The following MEGF8 variants were observed in gnomAD, a reference collection of about 807,000 sequenced individuals.
The protein encoded by MEGF8 is multiple EGF like domains 8.
MEGF8 carries 156 observed loss-of-function variants against 302.9 expected under a neutral mutation model. The ratio of observed to expected loss-of-function variants is 0.52; its 90% CI spans 0.45 to 0.59. MEGF8 has a LOEUF of 0.59. Ranked by LOEUF, MEGF8 falls within the 20% of genes least tolerant of loss-of-function variation. The pLI, the probability that MEGF8 is intolerant of heterozygous loss-of-function variation, is 0.00. For synonymous variants in MEGF8, 1,621 were observed against 1,660.5 expected, an observed-to-expected ratio of 0.98 and a Z score of 0.58; for missense variants, 3,345 against 3,964.5, an observed-to-expected ratio of 0.84 and a Z score of 4.20.
rs752176283 is a variant in MEGF8, at chr19:42,376,655, G to C, written c.8418G>C (p.Leu2806=). ...GCCTGGGGTCAGCCCTCGTCACACTGCGGCACAGGCTGCACGAGTACTGTG... is the reference window on the plus strand; with the variant it reads ...GCCTGGGGTCAGCCCTCGTCACACTCCGGCACAGGCTGCACGAGTACTGTG... ...GACLGSALVT[L]RHRLHEYCGG... is the part of the protein sequence containing the mutation. Residue 2806 remains leucine (L), a synonymous_variant, in exon 42 of 42, where the codon CTG becomes CTC. Transcript: ENST00000251268. The surrounding 1 kb of genome is among the most constrained non-coding windows in gnomAD (Gnocchi z 8.2). 1.2e-5 allele frequency: 18 copies of C among 1,538,032 alleles called. 1 individual carries two copies. The highest frequency in any genetic ancestry group is 9.6e-6 in the Non-Finnish European group (11 of 1,143,826).
intron 3 of MEGF8, 127 bp downstream of exon 3, chr19:42,334,340 C>T (rs1170404461): frequency 9.2e-6 from 8 of 874,038 alleles, no homozygotes; most frequent in African/African-American, 1.7e-5. Context: ...TCCTCCGTGA[C>T]ACCCACTTCC....
Position 42,334,688 on chromosome 19 carries a change from T to C in MEGF8, c.559-347T>C, listed in dbSNP as rs553353933. On this transcript the variant is annotated intron_variant, in intron 3 of 41. Transcript: ENST00000251268. ...CAGGCTGAATGTCAACTACGCTGTC[T>C]GTATTCTCCCAGCCTGCCGTCTTTC... 3.3e-5 allele frequency among the ~76,000 whole-genome samples: 5 copies of C among 152,340 alleles called. No individual in the cohort carries two copies. In the South Asian group the frequency reaches 1.0e-3, roughly 32 times the overall value.
At chr19:42,370,939 C>A in intron 40 of MEGF8, 108 bp downstream of exon 40, 2 of 583,332 alleles carry the variant, frequency 3.4e-6, no homozygotes, top group Admixed American at 2.6e-5. Flanking sequence ...TAGTCCTCCA[C>A]CCCCAGTCAG....
Position 42,335,067 on chromosome 19 carries a change from C to T in MEGF8, c.591C>T (p.Phe197=), listed in dbSNP as rs1408557851. The T allele has an allele frequency of 3.7e-6, 6 of 1,613,596 alleles. No individual in the cohort carries two copies. The African/African-American group carries it at 8.0e-5, about 22-fold the overall frequency. The change falls in exon 4 of 42, where the codon TTC becomes TTT. Residue 197 remains phenylalanine (F), a synonymous_variant. Coordinates refer to ENST00000251268, the MANE Select transcript of MEGF8 (RefSeq NM_001271938.2). ...PLGPCRCEPG[F]LGRACDLHLW... ...GACCATGCCGCTGTGAGCCTGGCTT[C>T]TTGGGACGTGCCTGTGACCTGCACC...
In MEGF8 at chr19:42,333,663, G is replaced by T. The variant is rs369259465; in HGVS notation, c.246G>T (p.Thr82=). Residue 82 remains threonine (T), a synonymous_variant, in exon 2 of 42, where the codon ACG becomes ACT. Coordinates refer to ENST00000251268, the MANE Select transcript of MEGF8 (RefSeq NM_001271938.2). The part of the protein sequence containing the change: ...LDFLFLDTEC[T]YDYLFVYDGD... ...TCCTTTTCCTGGACACAGAGTGCACGTATGACTACCTGTTCGTGTATGACG... is the reference window on the plus strand; with the variant it reads ...TCCTTTTCCTGGACACAGAGTGCACTTATGACTACCTGTTCGTGTATGACG... 40 of 1,613,988 alleles carry T rather than the reference G, an allele frequency of 2.5e-5. No homozygotes were observed. The highest frequency in any genetic ancestry group is 1.5e-4 in the Admixed American group (9 of 60,020).
In MEGF8 at chr19:42,358,948, G is replaced by T; in HGVS notation, c.5337G>T (p.Leu1779=). 6.2e-7 allele frequency: 1 copy of T among 1,609,474 alleles called. No individual in the cohort carries two copies. The highest frequency in any genetic ancestry group is 1.1e-5 in the South Asian group (1 of 89,942). Residue 1779 remains leucine (L), a synonymous_variant, in exon 30 of 42, where the codon CTG becomes CTT. Transcript: ENST00000251268. This position sits in a 1 kb window ranked among gnomAD's most constrained non-coding sequence, Gnocchi z 4.4. ...GGFLEEISPH[L]KEPRPRLFHA... is the part of the protein sequence containing the mutation. ...TCCTGGAGGAAATCTCACCTCACCT[G>T]AAGGAGGTGAGATTTGAAGAGGGTT...
At chr19:42,335,484 TC>T (rs2039115041) in intron 5 of MEGF8, 99 bp downstream of exon 5, 1 of 1,085,470 alleles carries the variant, frequency 9.2e-7, no homozygotes, top group African/African-American at 1.6e-5. Flanking sequence ...CTCCCACAGT[TC>T]CTGCAGCTTG....
In MEGF8 at chr19:42,352,391, C is replaced by G; in HGVS notation, c.3285C>G (p.Pro1095=). ...CHPRATCLNT[P]LSYECHCQRG... is the part of the protein sequence containing the mutation. The stretch of plus-strand genomic sequence containing the variant: ...CGCGGGCGACCTGCCTGAACACGCC[C>G]CTCAGCTACGAGTGTCACTGCCAGC... Residue 1095 remains proline (P), a synonymous_variant, in exon 19 of 42, where the codon CCC becomes CCG. Transcript: ENST00000251268. The surrounding 1 kb of genome is among the most constrained non-coding windows in gnomAD (Gnocchi z 4.4). The G allele has an allele frequency of 6.3e-7, 1 of 1,595,520 alleles. No homozygotes were observed. The highest frequency in any genetic ancestry group is 8.5e-7 in the Non-Finnish European group (1 of 1,171,732).
chr19:42,365,869 G>A (rs1047791973), intron 35 of MEGF8, among the ~76,000 whole-genome samples: 1 of 151,488 alleles, frequency 6.6e-6, no homozygotes, highest in African/African-American at 2.4e-5. Context: ...GGATCGTGAG[G>A]TCAGGAGTTC....
In MEGF8 at chr19:42,343,538, C is replaced by T. The variant is rs763808530; in HGVS notation, c.1575C>T (p.Val525=). The change falls in exon 9 of 42, where the codon GTC becomes GTT. Residue 525 remains valine, a synonymous_variant. Transcript: ENST00000251268. The part of the protein sequence containing the change: ...SHVAAVLGGS[V]LLVAGGYSGR... ...TAGCTGCGGTGCTTGGTGGCAGCGT[C>T]CTGTTGGTGGCTGGGGGGTACAGCG... 2 of 1,613,552 alleles carry T rather than the reference C, an allele frequency of 1.2e-6. No homozygotes were observed. The highest frequency in any genetic ancestry group is 1.7e-6 in the Non-Finnish European group (2 of 1,179,732).
chr19:42,333,729 G>T lies in MEGF8; in HGVS notation c.312G>T (p.Gly104=). 2.5e-6 allele frequency: 4 copies of T among 1,613,998 alleles called. No homozygotes were observed. Among genetic ancestry groups the T allele is most frequent in the Non-Finnish European group, 3.4e-6 (4 of 1,179,890 alleles). The stretch of plus-strand genomic sequence containing the variant: ...GGCCGCTGCTTGCCAGTCTAAGTGG[G>T]AGCACCCGACCTCCGCCCATCGAAG... ...PRGPLLASLS[G]STRPPPIEAS... is the part of the protein sequence containing the mutation. Residue 104 remains glycine, a synonymous_variant, in exon 2 of 42, where the codon GGG becomes GGT. Coordinates refer to ENST00000251268, the MANE Select transcript of MEGF8 (RefSeq NM_001271938.2).
chr19:42,351,698 A>T lies in MEGF8; in HGVS notation c.3038A>T (p.His1013Leu). The change falls in exon 18 of 42, where the codon CAT becomes CTT. Residue 1013 changes from histidine to leucine, a missense_variant. Coordinates refer to ENST00000251268, the MANE Select transcript of MEGF8 (RefSeq NM_001271938.2). The surrounding 1 kb of genome is among the most constrained non-coding windows in gnomAD (Gnocchi z 5.6). ...CRSCDGFLTC[H>L]ECLQSHECGW... Reference sequence around the variant, plus strand: ...AGCTGCGATGGCTTCCTGACCTGCCATGAGTGTCTGCAGAGCCACGAGTGT... The same window carrying T: ...AGCTGCGATGGCTTCCTGACCTGCCTTGAGTGTCTGCAGAGCCACGAGTGT... 1 of 1,596,164 alleles carries T rather than the reference A, an allele frequency of 6.3e-7. No individual in the cohort carries two copies. The highest frequency in any genetic ancestry group is 8.5e-7 in the Non-Finnish European group (1 of 1,171,920).
Position 42,358,205 on chromosome 19 carries a change from G to A in MEGF8, c.5073G>A (p.Gly1691=), listed in dbSNP as rs1405564743. 1.1e-5 allele frequency: 18 copies of A among 1,603,506 alleles called. No homozygotes were observed. The highest frequency in any genetic ancestry group is 1.5e-5 in the Non-Finnish European group (18 of 1,175,544). The change falls in exon 29 of 42, where the codon GGG becomes GGA. Residue 1691 remains glycine, a synonymous_variant. Transcript: ENST00000251268. The surrounding 1 kb of genome is among the most constrained non-coding windows in gnomAD (Gnocchi z 4.4). ...CCGACTCCCTCTACGTGTTTGGGGG[G>A]TTCCGATTCCATGTGGAGCTGGCGG... The part of the protein sequence containing the change: ...EATDSLYVFG[G]FRFHVELAAP...
At position 42,357,442 on chromosome 19, in the gene MEGF8, C is replaced by T; in HGVS notation, c.4869C>T (p.His1623=). ...TGGAGCTGCCAGCCGTTGCTGGTCACACCCTTACTGCCCGCCGAGGCCTGT... is the reference window on the plus strand; with the variant it reads ...TGGAGCTGCCAGCCGTTGCTGGTCATACCCTTACTGCCCGCCGAGGCCTGT... ...QTVELPAVAG[H]TLTARRGLSL... The change falls in exon 28 of 42, where the codon CAC becomes CAT. Residue 1623 remains histidine (H), a synonymous_variant. Coordinates refer to ENST00000251268, the MANE Select transcript of MEGF8 (RefSeq NM_001271938.2). This position sits in a 1 kb window ranked among gnomAD's most constrained non-coding sequence, Gnocchi z 5.2. 2 of 1,613,772 alleles carry T rather than the reference C, an allele frequency of 1.2e-6. No homozygotes were observed. The highest frequency in any genetic ancestry group is 1.7e-6 in the Non-Finnish European group (2 of 1,179,790).
rs115428796 is a variant in MEGF8, at chr19:42,376,574, C to A, written c.8337C>A (p.Gly2779=). Residue 2779 remains glycine, a synonymous_variant, in exon 42 of 42, where the codon GGC becomes GGA. Transcript: ENST00000251268. This position sits in a 1 kb window ranked among gnomAD's most constrained non-coding sequence, Gnocchi z 8.2. Reference sequence around the variant, plus strand: ...AGCCCACAGAAGATGGCATGGCTGGCGTGGCCACACTGCTGCTCCAGCTGC... The same window carrying A: ...AGCCCACAGAAGATGGCATGGCTGGAGTGGCCACACTGCTGCTCCAGCTGC... The part of the protein sequence containing the change: ...TLEPTEDGMA[G]VATLLLQLPG... 6.4e-7 allele frequency: 1 copy of A among 1,552,242 alleles called. No individual in the cohort carries two copies.
intron 8 of MEGF8, among the ~76,000 whole-genome samples, chr19:42,340,817 A>C (rs2039201479): frequency 6.6e-6 from 1 of 151,912 alleles, no homozygotes; most frequent in Admixed American, 6.6e-5. Context: ...ATAGATGTGC[A>C]CCACCACTCC....
Position 42,376,678 on chromosome 19 carries a change from G to C in MEGF8, c.8441G>C (p.Cys2814Ser). ...CTGCGGCACAGGCTGCACGAGTACT[G>C]TGGGGGTGGTGGGGGTGCTGGGGGC... ...VTLRHRLHEYCGGGGGAGGSG... is the reference protein window; with the variant it reads ...VTLRHRLHEYSGGGGGAGGSG... Residue 2814 changes from cysteine (C) to serine (S), a missense_variant, in exon 42 of 42, where the codon TGT becomes TCT. Transcript: ENST00000251268. The surrounding 1 kb of genome is among the most constrained non-coding windows in gnomAD (Gnocchi z 8.2). 1 of 1,516,896 alleles carries C rather than the reference G, an allele frequency of 6.6e-7. No individual in the cohort carries two copies. Among genetic ancestry groups the C allele is most frequent in the Admixed American group, 2.0e-5 (1 of 49,566 alleles). 94.0% of individuals were successfully genotyped at this position (1,516,896 alleles called of 1,614,324 possible).
rs374929355 is a variant in MEGF8, at chr19:42,344,191, G to A, written c.1788+118G>A. ...CAACTGGGAGACTTGTTTTCATGCC[G>A]GAGATCCTCCTTCCTGATTCCTGAC... On this transcript the variant is annotated intron_variant, in intron 10 of 41. Coordinates refer to ENST00000251268, the MANE Select transcript of MEGF8 (RefSeq NM_001271938.2). This position sits in a 1 kb window ranked among gnomAD's most constrained non-coding sequence, Gnocchi z 4.5. 7.2e-6 allele frequency: 10 copies of A among 1,393,268 alleles called. No homozygotes were observed. The highest frequency in any genetic ancestry group is 1.4e-5 in the South Asian group (1 of 70,694). 86.3% of individuals were successfully genotyped at this position (1,393,268 alleles called of 1,614,324 possible).
At chr19:42,333,471 G>A (rs2039080813) in intron 1 of MEGF8, 134 bp from the exon 2 acceptor site, 1 of 980,526 alleles carries the variant, frequency 1.0e-6, no homozygotes. Context: ...TTCAAGGCGG[G>A]GCCCAGGTCT....
Sources: allele counts gnomAD v4.1 joint callset (sites outside exome capture counted in the v4.1 genomes callset), GRCh38; gene constraint gnomAD v4.1.1; non-coding constraint Gnocchi (gnomAD v3.1); transcripts MANE v1.5; gene names NCBI Gene and HGNC (gene_info 2026-07-23, HGNC 2026-07-21).